The following ARHGEF10L variants were observed in gnomAD, a reference collection of about 807,000 sequenced individuals.
ARHGEF10L encodes the protein Rho guanine nucleotide exchange factor 10 like.
ARHGEF10L carries 69 observed loss-of-function variants against 141.2 expected under a neutral mutation model. The observed-to-expected ratio is 0.49, with a 90% CI of 0.40 to 0.60. The LOEUF (loss-of-function observed/expected upper bound fraction) is 0.60, where lower values mean the gene tolerates loss of function less well. ARHGEF10L is among the 20% of genes least tolerant of loss of function. The pLI, the probability that ARHGEF10L is intolerant of heterozygous loss-of-function variation, is 0.00. For synonymous variants in ARHGEF10L, 711 were observed against 718.5 expected (o/e 0.99, Z 0.17); for missense variants, 1,482 against 1,734.3 (o/e 0.85, Z 2.58).
chr1:17,593,001 G>A (rs1022966405), intron 4 of ARHGEF10L, among the ~76,000 whole-genome samples: 6 of 152,178 alleles, frequency 3.9e-5, no homozygotes, highest in African/African-American at 1.2e-4. Flanking sequence ...TTCCTTCTCC[G>A]AGGGTAGAAA....
intron 18 of ARHGEF10L, among the ~76,000 whole-genome samples, chr1:17,636,567 C>T (rs572728603): frequency 1.3e-5 from 2 of 152,190 alleles, no homozygotes; most frequent in South Asian, 2.1e-4. Context: ...GCCTGTGCCA[C>T]AGGGTGCCCT....
rs375275059 is a variant in ARHGEF10L at position 17,634,579 on chromosome 1, G to C, written c.1745+17G>C. 6 of 1,613,358 alleles carry C rather than the reference G, an allele frequency of 3.7e-6. No homozygotes were observed. The highest frequency in any genetic ancestry group is 1.1e-5 in the South Asian group (1 of 90,974). On this transcript the variant is annotated intron_variant, in intron 17 of 28. Coordinates refer to ENST00000361221, the MANE Select transcript of ARHGEF10L (RefSeq NM_018125.4). Reference sequence around the variant, plus strand: ...CAACCACAGGTACGTGGTTCAGGGGGCTCCGGGGCTCTGGGGCTCTGGGGC... The same window carrying C: ...CAACCACAGGTACGTGGTTCAGGGGCCTCCGGGGCTCTGGGGCTCTGGGGC...
At chr1:17,618,089 T>C (rs540750595) in intron 9 of ARHGEF10L, among the ~76,000 whole-genome samples, 1 of 152,294 alleles carries the variant, frequency 6.6e-6, no homozygotes, top group African/African-American at 2.4e-5. Context: ...ATGTTCCCTC[T>C]GCATTTTGGG....
At chr1:17,545,104 G>T (rs909571867) in intron 1 of ARHGEF10L, among the ~76,000 whole-genome samples, 10 of 152,072 alleles carry the variant, frequency 6.6e-5, no homozygotes, top group Non-Finnish European at 1.5e-4. Context: ...TGTGAGTGTG[G>T]GTGTGGGTGT....
rs2060279468 is a variant in ARHGEF10L, at chr1:17,624,571, A to G, written c.1317+68A>G. On this transcript the variant is annotated intron_variant, in intron 13 of 28. Coordinates refer to ENST00000361221, the MANE Select transcript of ARHGEF10L (RefSeq NM_018125.4). Reference sequence around the variant, plus strand: ...GGAGATTGCTCAGGAGGAAGGGAGCATTTTGGCCCCAGCTTTGGGTATGAC... The same window carrying G: ...GGAGATTGCTCAGGAGGAAGGGAGCGTTTTGGCCCCAGCTTTGGGTATGAC... The G allele has an allele frequency of 1.1e-5, 15 of 1,337,338 alleles. No individual in the cohort carries two copies. In the Admixed American group the frequency reaches 2.4e-4, roughly 21 times the overall value. 82.8% of individuals were successfully genotyped at this position (1,337,338 alleles called of 1,614,324 possible).
At chr1:17,529,390 C>T in the ARHGEF10L span, among the ~76,000 whole-genome samples, 656 of 152,338 alleles carry the variant, frequency 4.3e-3, 5 homozygotes, top group Non-Finnish European at 7.1e-3. Context: ...TTGTCCTTGG[C>T]AGCCACAGAC....
In ARHGEF10L at chr1:17,587,579, C is replaced by T. The variant is rs1299765756; in HGVS notation, c.157C>T (p.Pro53Ser). The change falls in exon 3 of 29, where the codon CCC becomes TCC. Residue 53 changes from proline to serine, a missense_variant. Pro to Ser is a moderately conservative substitution (Grantham distance 74, BLOSUM62 -1). Transcript: ENST00000361221. ...GGACACCAGCGCAGCCCTGGGCGTCCCCAGCCTTGCTCCTGAGAGGGACAC... is the reference window on the plus strand; with the variant it reads ...GGACACCAGCGCAGCCCTGGGCGTCTCCAGCCTTGCTCCTGAGAGGGACAC... Reference protein sequence around the residue: ...EEDTSAALGVPSLAPERDTDP... With the variant: ...EEDTSAALGVSSLAPERDTDP... 6.2e-7 allele frequency: 1 copy of T among 1,614,114 alleles called. No individual in the cohort carries two copies. The highest frequency in any genetic ancestry group is 1.1e-5 in the South Asian group (1 of 91,074).
intron 1 of ARHGEF10L, among the ~76,000 whole-genome samples, chr1:17,566,980 G>A (rs746208147): frequency 6.6e-6 from 1 of 152,174 alleles, no homozygotes; most frequent in Non-Finnish European, 1.5e-5. Flanking sequence ...GGAGACCTTG[G>A]CTCTGACAAA....
chr1:17,648,117 C>T (rs2061703582), intron 21 of ARHGEF10L, among the ~76,000 whole-genome samples: 1 of 152,202 alleles, frequency 6.6e-6, no homozygotes, highest in Non-Finnish European at 1.5e-5. Context: ...TGGTCTGTCT[C>T]CTACTCTGCA....
At chr1:17,522,066 C>A in the ARHGEF10L span, among the ~76,000 whole-genome samples, 1 of 152,182 alleles carries the variant, frequency 6.6e-6, no homozygotes, top group African/African-American at 2.4e-5. Context: ...AAAGCCGTGG[C>A]CCAGGATCTT....
intron 1 of ARHGEF10L, among the ~76,000 whole-genome samples, chr1:17,567,046 G>A (rs1430066236): frequency 6.6e-6 from 1 of 152,224 alleles, no homozygotes; most frequent in African/African-American, 2.4e-5. Context: ...ACCCTGATCT[G>A]GAAGCAGATG....
chr1:17,637,146 CCTGT>C (rs2061050396), intron 18 of ARHGEF10L, among the ~76,000 whole-genome samples: 1 of 152,218 alleles, frequency 6.6e-6, no homozygotes, highest in African/African-American at 2.4e-5. Flanking sequence ...GAATGAGGAC[CCTGT>C]CTGTCTTGTG....
chr1:17,547,826 G>A (rs2076970148), intron 1 of ARHGEF10L, among the ~76,000 whole-genome samples: 1 of 152,150 alleles, frequency 6.6e-6, no homozygotes, highest in Non-Finnish European at 1.5e-5. Context: ...TCAATATTGT[G>A]GTGCATATCA....
chr1:17,689,124 C>T (rs144671048), intron 27 of ARHGEF10L, among the ~76,000 whole-genome samples: 13 of 152,188 alleles, frequency 8.5e-5, no homozygotes, highest in African/African-American at 3.1e-4. Context: ...ATGCAGTAGA[C>T]CAGAGGCAGG....
rs528838012 is a variant in ARHGEF10L, at chr1:17,641,980, T to TAAAAAAAAAGA, written c.2272+1702_2272+1712dup. Among the ~76,000 whole-genome samples the TAAAAAAAAAGA allele has an allele frequency of 6.3e-3, 877 of 138,716 alleles. 2 individuals carry two copies. The highest frequency in any genetic ancestry group is 0.022 in the Middle Eastern group (6 of 268). 91.0% of individuals were successfully genotyped at this position (138,716 alleles called of 152,430 possible). A position where few individuals can be genotyped will look rare whatever the true frequency, so the allele number is the denominator to read the frequency against. On this transcript the variant is annotated intron_variant, in intron 21 of 28. Transcript: ENST00000361221. The stretch of plus-strand genomic sequence containing the variant: ...TGAGTGATAGAGTGAGACTCCGTCT[T>TAAAAAAAAAGA]AAAAAAAAAGAAAAAAAAAAGAAAA...
chr1:17,532,286 T>C, the ARHGEF10L span, among the ~76,000 whole-genome samples: 1 of 152,172 alleles, frequency 6.6e-6, no homozygotes, highest in African/African-American at 2.4e-5. Context: ...CCTGGTGCTC[T>C]GATCCCTGGG....
At chr1:17,567,679 T>G (rs2077818911) in intron 1 of ARHGEF10L, among the ~76,000 whole-genome samples, 2 of 152,150 alleles carry the variant, frequency 1.3e-5, no homozygotes, top group Admixed American at 6.5e-5. Context: ...AGCAGAATAT[T>G]TTTTGAGATC....
intron 27 of ARHGEF10L, among the ~76,000 whole-genome samples, chr1:17,692,958 C>T (rs988261217): frequency 4.6e-5 from 7 of 152,176 alleles, no homozygotes; most frequent in African/African-American, 1.7e-4. Context: ...CCTTGTCACC[C>T]AGCAGCCTCA....
At chr1:17,662,840 G>T (rs887990000) in intron 25 of ARHGEF10L, among the ~76,000 whole-genome samples, 1 of 152,196 alleles carries the variant, frequency 6.6e-6, no homozygotes, top group East Asian at 1.9e-4. Flanking sequence ...GAGGGGAAGG[G>T]TCTGCCTGTG....
Sources: allele counts gnomAD v4.1 joint callset (sites outside exome capture counted in the v4.1 genomes callset), GRCh38; gene constraint gnomAD v4.1.1; transcripts MANE v1.5; gene names NCBI Gene and HGNC (gene_info 2026-07-23, HGNC 2026-07-21).